The following CCDC30 variants were observed in gnomAD, a reference collection of about 807,000 sequenced individuals.
CCDC30 encodes coiled-coil domain containing 30.
Under a neutral mutation model 100.2 loss-of-function variants are expected in CCDC30, and 70 were observed. The observed-to-expected ratio is 0.70, with a 90% CI of 0.58 to 0.85. CCDC30 has a LOEUF of 0.85. Among genes scored for constraint, CCDC30 ranks in the 40% least tolerant of loss-of-function variants. CCDC30 has a pLI of 0.00. For missense variants in CCDC30, 652 were observed against 771.2 expected (o/e 0.85, Z 1.83); for synonymous variants, 233 against 269.5 (o/e 0.86, Z 1.33).
intron 10 of CCDC30, among the ~76,000 whole-genome samples, chr1:42,609,518 G>T (rs1477797278): frequency 6.6e-6 from 1 of 152,146 alleles, no homozygotes; most frequent in Non-Finnish European, 1.5e-5. Flanking sequence ...ACTGATTAGT[G>T]TAACTCCCTA....
chr1:42,522,570 T>C lies in CCDC30; in HGVS notation c.456+23654T>C, dbSNP rs115124938. Among the ~76,000 whole-genome samples, 799 of 152,354 alleles carry C rather than the reference T, an allele frequency of 5.2e-3. 4 individuals carry two copies. Among genetic ancestry groups the C allele is most frequent in the African/African-American group, 0.018 (746 of 41,586 alleles). On this transcript the variant is annotated intron_variant, in intron 6 of 16. Coordinates refer to ENST00000668663, the Ensembl canonical transcript of CCDC30. ...ATTTAACATCTTAAAGTTATGATACTCTAAATTGAATTTCTTTAGGTTAAC... is the reference window on the plus strand; with the variant it reads ...ATTTAACATCTTAAAGTTATGATACCCTAAATTGAATTTCTTTAGGTTAAC...
intron 1 of CCDC30, chr1:42,468,762 T>G (rs1303060216): frequency 1.3e-5 from 2 of 152,068 alleles, no homozygotes; most frequent in Non-Finnish European, 2.9e-5. Context: ...GAATAAAAAT[T>G]TAAAGAAGTT....
chr1:42,459,364 A>G (rs555170624), upstream of CCDC30: 5 of 494,176 alleles, frequency 1.0e-5, no homozygotes, highest in South Asian at 1.2e-4. Flanking sequence ...TGGTTTTGCC[A>G]TGTTGCCCAG....
intron 6 of CCDC30, among the ~76,000 whole-genome samples, chr1:42,555,337 A>G (rs1362147255): frequency 6.6e-6 from 1 of 152,192 alleles, no homozygotes; most frequent in Admixed American, 6.5e-5. Context: ...ATGCAAGTAC[A>G]TACACACTCC....
At chr1:42,653,546 G>A (rs1421879935) in intron 16 of CCDC30, 103 bp downstream of exon 20, 1 of 766,082 alleles carries the variant, frequency 1.3e-6, no homozygotes, top group African/African-American at 1.8e-5. Context: ...GCTGGCTTGA[G>A]AAGGCATAGC....
chr1:42,485,850 A>G (rs12123042), intron 3 of CCDC30, among the ~76,000 whole-genome samples: 3,195 of 152,252 alleles, frequency 0.021, 49 homozygotes, highest in Non-Finnish European at 0.032. Context: ...TACCCCATAA[A>G]CATATACAAT....
intron 4 of CCDC30, among the ~76,000 whole-genome samples, chr1:42,494,122 G>T (rs1256072415): frequency 1.3e-5 from 2 of 152,196 alleles, no homozygotes; most frequent in Non-Finnish European, 1.5e-5. Context: ...CAAGGCTACA[G>T]TAACCAAAAC....
At chr1:42,540,338 C>G (rs530205908) in intron 6 of CCDC30, among the ~76,000 whole-genome samples, 1 of 152,020 alleles carries the variant, frequency 6.6e-6, no homozygotes, top group Non-Finnish European at 1.5e-5. Flanking sequence ...TACAACTAAG[C>G]CTTTTTTGTG....
At chr1:42,477,687 G>T (rs1368553095) in intron 1 of CCDC30, among the ~76,000 whole-genome samples, 1 of 152,138 alleles carries the variant, frequency 6.6e-6, no homozygotes, top group Non-Finnish European at 1.5e-5. Flanking sequence ...ACTTGATCTG[G>T]ACTTGCAATA....
At chr1:42,563,569 T>G (rs957750471) in intron 6 of CCDC30, among the ~76,000 whole-genome samples, 1 of 151,940 alleles carries the variant, frequency 6.6e-6, no homozygotes, top group Non-Finnish European at 1.5e-5. Context: ...TGTATCCTGG[T>G]TTTTTTTAGA....
chr1:42,530,421 G>A (rs1644788770), intron 6 of CCDC30, among the ~76,000 whole-genome samples: 1 of 151,962 alleles, frequency 6.6e-6, no homozygotes, highest in South Asian at 2.1e-4. Context: ...AGTACAGTTG[G>A]CTCTTCATAT....
At chr1:42,621,472 C>T (rs527792945) in intron 11 of CCDC30, among the ~76,000 whole-genome samples, 1 of 150,382 alleles carries the variant, frequency 6.6e-6, no homozygotes, top group East Asian at 1.9e-4. Flanking sequence ...TGTGCCACCA[C>T]ACCTGGCTAA....
intron 6 of CCDC30, among the ~76,000 whole-genome samples, chr1:42,526,888 T>C (rs1644731438): frequency 6.6e-6 from 1 of 152,214 alleles, no homozygotes; most frequent in South Asian, 2.1e-4. Context: ...TGTCTCTGAA[T>C]ATCTGAACAT....
At chr1:42,575,413 G>T (rs555652600) in intron 7 of CCDC30, among the ~76,000 whole-genome samples, 1 of 151,916 alleles carries the variant, frequency 6.6e-6, no homozygotes, top group Non-Finnish European at 1.5e-5. Context: ...ACTTTGGGAG[G>T]CCGAGGCGGG....
At chr1:42,640,902 T>A (rs1280940367) in intron 12 of CCDC30, among the ~76,000 whole-genome samples, 1 of 151,346 alleles carries the variant, frequency 6.6e-6, no homozygotes, top group Non-Finnish European at 1.5e-5. Flanking sequence ...AAAAAAAAAA[T>A]TAATAATAAT....
chr1:42,589,249 G>T, intron 9 of CCDC30, 72 bp from the exon 14 acceptor site: 2 of 1,243,596 alleles, frequency 1.6e-6, no homozygotes, highest in South Asian at 1.6e-5. Flanking sequence ...CCCTTGTGAT[G>T]CCATAAAAAT....
chr1:42,536,747 A>G, intron 6 of CCDC30, 146 bp downstream of exon 7: 1 of 609,736 alleles, frequency 1.6e-6, no homozygotes, highest in East Asian at 2.8e-5. Flanking sequence ...CAAAGAACAG[A>G]ATTTTATTTT....
intron 6 of CCDC30, among the ~76,000 whole-genome samples, chr1:42,525,926 G>C (rs1644717006): frequency 6.6e-6 from 1 of 152,036 alleles, no homozygotes; most frequent in South Asian, 2.1e-4. Flanking sequence ...ATTGTTCTTT[G>C]CTTATCTTTG....
intron 6 of CCDC30, among the ~76,000 whole-genome samples, chr1:42,550,485 C>G (rs554499224): frequency 6.6e-6 from 1 of 152,202 alleles, no homozygotes; most frequent in Non-Finnish European, 1.5e-5. Flanking sequence ...CCTACCTCCT[C>G]CTCATCTTGC....
Sources: gnomAD v4.1 joint callset for allele counts (sites outside exome capture counted in the v4.1 genomes callset) on GRCh38, gnomAD v4.1.1 for gene constraint, MANE v1.5 for transcripts, NCBI Gene and HGNC (gene_info 2026-07-23, HGNC 2026-07-21) for gene names.